IFT80: variants seen among roughly 807,000 people sequenced by gnomAD.
IFT80 encodes the protein intraflagellar transport protein 80 homolog.
Under a neutral mutation model 107.9 loss-of-function variants are expected in IFT80, and 79 were observed. The ratio of observed to expected loss-of-function variants is 0.73; its 90% CI spans 0.61 to 0.88. IFT80 has a LOEUF of 0.88. Ranked by LOEUF, IFT80 falls within the 40% of genes least tolerant of loss-of-function variation. The pLI, the probability that IFT80 is intolerant of heterozygous loss-of-function variation, is 0.00. For synonymous variants in IFT80, 299 were observed against 300.9 expected, an observed-to-expected ratio of 0.99 and a Z score of 0.07; for missense variants, 797 against 914.2, an observed-to-expected ratio of 0.87 and a Z score of 1.65.
intron 12 of IFT80, among the ~76,000 whole-genome samples, chr3:160,287,486 T>C (rs111251267): frequency 0.014 from 2,101 of 152,286 alleles, 24 homozygotes; most frequent in Non-Finnish European, 0.021. Flanking sequence ...ATGGAATAGT[T>C]GGTATCAGGT....
chr3:160,384,335 G>A (rs557144005), intron 2 of IFT80: 15 of 1,084,850 alleles, frequency 1.4e-5, no homozygotes, highest in East Asian at 5.2e-5. Flanking sequence ...CTTAAGTAGA[G>A]TAAGAAAAAC....
chr3:160,329,416 C>T (rs1718919060), intron 8 of IFT80, among the ~76,000 whole-genome samples: 1 of 151,978 alleles, frequency 6.6e-6, no homozygotes, highest in Non-Finnish European at 1.5e-5. Context: ...TTTAAATATC[C>T]CTCTTGATGG....
At chr3:160,370,758 C>G (rs1452033542) in intron 5 of IFT80, among the ~76,000 whole-genome samples, 2 of 152,146 alleles carry the variant, frequency 1.3e-5, no homozygotes, top group African/African-American at 4.8e-5. Context: ...AAACCATCAT[C>G]CCTCCACATA....
At chr3:160,357,656 CT>C in intron 6 of IFT80, 78 bp from the exon 7 acceptor site, 1 of 913,634 alleles carries the variant, frequency 1.1e-6, no homozygotes, top group Non-Finnish European at 1.8e-6. Context: ...TATATTTTGC[CT>C]CTTTCTAATG....
intron 5 of IFT80, among the ~76,000 whole-genome samples, chr3:160,368,359 CAAAAA>C (rs56031662): frequency 1.1e-5 from 1 of 90,638 alleles, no homozygotes; most frequent in Non-Finnish European, 2.2e-5. Flanking sequence ...AGACCCAGTC[CAAAAA>C]AAAAAAAAAA....
At chr3:160,315,745 G>A (rs1717769278) in intron 9 of IFT80, among the ~76,000 whole-genome samples, 1 of 152,242 alleles carries the variant, frequency 6.6e-6, no homozygotes, top group Admixed American at 6.5e-5. Flanking sequence ...GAGGGGAGGG[G>A]AGAAGAATCA....
chr3:160,317,573 G>T (rs867448149), intron 9 of IFT80, among the ~76,000 whole-genome samples: 56 of 152,112 alleles, frequency 3.7e-4, no homozygotes, highest in Middle Eastern at 3.4e-3. Context: ...CCAATTAGTT[G>T]ATTAGAACTC....
chr3:160,362,558 C>A (rs1337218878), intron 6 of IFT80, among the ~76,000 whole-genome samples: 1 of 152,152 alleles, frequency 6.6e-6, no homozygotes, highest in East Asian at 1.9e-4. Flanking sequence ...CTGGCAGAGA[C>A]ACAACCAAAG....
chr3:160,276,471 C>A (rs1714275505), intron 18 of IFT80, among the ~76,000 whole-genome samples: 1 of 152,096 alleles, frequency 6.6e-6, no homozygotes, highest in African/African-American at 2.4e-5. Flanking sequence ...TCAGCCCAGG[C>A]AGAAACAAAG....
chr3:160,352,230 G>A (rs1028204902), intron 8 of IFT80, among the ~76,000 whole-genome samples: 2 of 151,604 alleles, frequency 1.3e-5, no homozygotes, highest in South Asian at 2.1e-4. Context: ...TCCTGACCTC[G>A]TGATCTGCCT....
chr3:160,277,365 A>T lies in IFT80; in HGVS notation c.2040T>A (p.Leu680=), dbSNP rs2108225990. The T allele has an allele frequency of 6.2e-7, 1 of 1,613,770 alleles. No homozygotes were observed. The highest frequency in any genetic ancestry group is 8.5e-7 in the Non-Finnish European group (1 of 1,179,866). ...TTGCTTGATAAACAAGGCCAGCCTG[A>T]AGAAGTACTATTTCAGCCTCCTGTA... ...GNIQEAEIVL[L]QAGLVYQAIQ... The change falls in exon 18 of 20, where the codon CTT becomes CTA. Residue 680 remains leucine (L), a synonymous_variant. Transcript: ENST00000326448.
In IFT80 at chr3:160,381,521, C is replaced by CA; in HGVS notation, c.240dup (p.Val81CysfsTer6). On this transcript the variant is annotated frameshift_variant, in exon 3 of 20. Coordinates refer to ENST00000326448, the MANE Select transcript of IFT80 (RefSeq NM_020800.3). LOFTEE classifies it high-confidence loss of function. Reference sequence around the variant, plus strand: ...AACTTACCATCAGAACTTGTGAGGACAAAGCTTTCTGCCTGGGTTTGTTTC... The same window carrying CA: ...AACTTACCATCAGAACTTGTGAGGACAAAAGCTTTCTGCCTGGGTTTGTTTC... 1 of 1,613,400 alleles carries CA rather than the reference C, an allele frequency of 6.2e-7. No homozygotes were observed. The highest frequency in any genetic ancestry group is 8.5e-7 in the Non-Finnish European group (1 of 1,179,556).
At chr3:160,343,472 T>C (rs1193563658) in intron 8 of IFT80, among the ~76,000 whole-genome samples, 1 of 152,130 alleles carries the variant, frequency 6.6e-6, no homozygotes, top group African/African-American at 2.4e-5. Context: ...TATTGTACAA[T>C]TTATTTATAA....
At chr3:160,316,089 T>A (rs1307017971) in intron 9 of IFT80, among the ~76,000 whole-genome samples, 1 of 152,122 alleles carries the variant, frequency 6.6e-6, no homozygotes. Context: ...TGATGAGATG[T>A]CACTTCTGAG....
rs990047415 is a variant in IFT80, at chr3:160,360,648, A to G, written c.550-3070T>C. On this transcript the variant is annotated intron_variant, in intron 6 of 19. Coordinates refer to ENST00000326448, the MANE Select transcript of IFT80 (RefSeq NM_020800.3). The stretch of plus-strand genomic sequence containing the variant: ...ACAAAGGGAATCCCATCAGACTAAC[A>G]GCAGATCTCTCAGCAGAAACTCTAC... Among the ~76,000 whole-genome samples, 35 of 152,372 alleles carry G rather than the reference A, an allele frequency of 2.3e-4. 1 individual carries two copies. The highest frequency in any genetic ancestry group is 7.7e-4 in the African/African-American group (32 of 41,594).
intron 6 of IFT80, among the ~76,000 whole-genome samples, chr3:160,358,882 G>A (rs1371613308): frequency 6.6e-6 from 1 of 152,102 alleles, no homozygotes; most frequent in East Asian, 1.9e-4. Context: ...CAGAAACTAT[G>A]TTCTGTTTCA....
intron 9 of IFT80, among the ~76,000 whole-genome samples, chr3:160,311,296 TAA>T (rs999851670): frequency 6.6e-6 from 1 of 152,114 alleles, no homozygotes; most frequent in Non-Finnish European, 1.5e-5. Context: ...TAAAAAGACT[TAA>T]GAGACAAATT....
rs1428029593 is a variant in IFT80 at position 160,366,502 on chromosome 3, TCATGA to T, written c.440-355_440-351del. 7.2e-5 allele frequency among the ~76,000 whole-genome samples: 11 copies of T among 152,120 alleles called. No individual in the cohort carries two copies. The South Asian group carries it at 1.2e-3, about 17-fold the overall frequency. On this transcript the variant is annotated intron_variant, in intron 5 of 19. Coordinates refer to ENST00000326448, the MANE Select transcript of IFT80 (RefSeq NM_020800.3). The stretch of plus-strand genomic sequence containing the variant: ...AATATATAAAGAAATAGCAGAAAAG[TCATGA>T]TTTATCATTTCCCATCATTGACAGC...
intron 8 of IFT80, 87 bp downstream of exon 8, chr3:160,355,926 A>G (rs1721047293): frequency 6.9e-7 from 1 of 1,450,426 alleles, no homozygotes. Flanking sequence ...TCCATTGAAA[A>G]TGTTTTTTAA....
Sources: gnomAD v4.1 joint callset for allele counts (sites outside exome capture counted in the v4.1 genomes callset) on GRCh38, gnomAD v4.1.1 for gene constraint, MANE v1.5 for transcripts, NCBI Gene and HGNC (gene_info 2026-07-23, HGNC 2026-07-21) for gene names.